Variants in MGMT observed in about 807,000 individuals in gnomAD.
The protein encoded by MGMT is methylated-DNA--protein-cysteine methyltransferase.
In MGMT, 14 loss-of-function variants were observed where a neutral mutation model predicts 15.9. The observed-to-expected ratio is 0.88, with a 90% CI of 0.58 to 1.37. The LOEUF (loss-of-function observed/expected upper bound fraction) is 1.37, where lower values mean the gene tolerates loss of function less well. MGMT is among the 40% of genes most tolerant of loss of function. The probability of loss-of-function intolerance (pLI) is 0.00; values close to 1 mark genes in which losing one functional copy is unlikely to be tolerated. For synonymous variants in MGMT, 130 were observed against 118.2 expected, an observed-to-expected ratio of 1.10 and a Z score of -0.65; for missense variants, 282 against 268.1, an observed-to-expected ratio of 1.05 and a Z score of -0.36.
chr10:129,608,611 T>C (rs189790089), intron 2 of MGMT, among the ~76,000 whole-genome samples: 1 of 152,280 alleles, frequency 6.6e-6, no homozygotes, highest in Non-Finnish European at 1.5e-5. Context: ...TCTCTCTGCG[T>C]ATAATTATAC....
At chr10:129,571,510 CG>C (rs1051063993) in intron 2 of MGMT, among the ~76,000 whole-genome samples, 3 of 152,092 alleles carry the variant, frequency 2.0e-5, no homozygotes, top group African/African-American at 7.2e-5. Context: ...GTACATAAGA[CG>C]GGGCCGCATA....
chr10:129,555,020 C>G (rs1261038109), intron 2 of MGMT, among the ~76,000 whole-genome samples: 2 of 152,140 alleles, frequency 1.3e-5, no homozygotes, highest in Admixed American at 6.5e-5. Context: ...ATGAGCTGAC[C>G]AGCAGGAAAC....
chr10:129,589,855 G>A (rs917153812), intron 2 of MGMT, among the ~76,000 whole-genome samples: 22 of 152,378 alleles, frequency 1.4e-4, no homozygotes, highest in African/African-American at 4.8e-4. Flanking sequence ...GCCAATGGGA[G>A]CTGGCAGCCC....
intron 2 of MGMT, among the ~76,000 whole-genome samples, chr10:129,626,018 G>T (rs772955230): frequency 1.3e-5 from 2 of 152,176 alleles, no homozygotes; most frequent in South Asian, 2.1e-4. Flanking sequence ...TCGTGATGGC[G>T]CAGAATATGT....
intron 2 of MGMT, among the ~76,000 whole-genome samples, chr10:129,670,253 T>A (rs1189593738): frequency 3.9e-5 from 6 of 152,172 alleles, no homozygotes; most frequent in Non-Finnish European, 8.8e-5. Flanking sequence ...AGTTTTTCAG[T>A]TTAGCCAACT....
chr10:129,563,366 G>A (rs79106986), intron 2 of MGMT, among the ~76,000 whole-genome samples: 1,728 of 152,212 alleles, frequency 0.011, 38 homozygotes, highest in African/African-American at 0.039. Flanking sequence ...ACTAGATCTC[G>A]TTGGTGTCCT....
Position 129,532,520 on chromosome 10 carries a change from C to T in MGMT, c.-12-3721C>T, listed in dbSNP as rs750155329. On this transcript the variant is annotated intron_variant, in intron 1 of 4. Transcript: ENST00000651593. The surrounding 1 kb of genome is among the most constrained non-coding windows in gnomAD (Gnocchi z 5.3). The stretch of plus-strand genomic sequence containing the variant: ...CCCTCCACCGCCCTGCTCCTTCCTC[C>T]GGGTGGGGGACACCCCATCCCCCAT... Among the ~76,000 whole-genome samples the T allele has an allele frequency of 2.6e-5, 4 of 152,114 alleles. No individual in the cohort carries two copies. The highest frequency in any genetic ancestry group is 4.4e-5 in the Non-Finnish European group (3 of 68,018).
At position 129,556,247 on chromosome 10, in the gene MGMT, ATCC is replaced by A. The variant is rs1261694044; in HGVS notation, c.125+19873_125+19875del. Among the ~76,000 whole-genome samples, 10 of 152,160 alleles carry A rather than the reference ATCC, an allele frequency of 6.6e-5. No homozygotes were observed. Among genetic ancestry groups the A allele is most frequent in the Non-Finnish European group, 1.3e-4 (9 of 68,020 alleles). The stretch of plus-strand genomic sequence containing the variant: ...CCAAAATTTAGGTGTTGAAGTCCTC[ATCC>A]TCAGAACCTCTGGATGTGACAGTAT... On this transcript the variant is annotated intron_variant, in intron 2 of 4. Transcript: ENST00000651593. The surrounding 1 kb of genome is among the most constrained non-coding windows in gnomAD (Gnocchi z 4.3).
At chr10:129,567,433 T>C (rs1378884665) in intron 2 of MGMT, among the ~76,000 whole-genome samples, 2 of 152,034 alleles carry the variant, frequency 1.3e-5, no homozygotes, top group African/African-American at 4.8e-5. Flanking sequence ...CAAGTGCCAC[T>C]GAGCATCCTG....
At chr10:129,637,628 G>A (rs565063604) in intron 2 of MGMT, among the ~76,000 whole-genome samples, 2 of 152,208 alleles carry the variant, frequency 1.3e-5, no homozygotes, top group South Asian at 2.1e-4. Context: ...TCAGTACGTC[G>A]GAGCGTGACT....
chr10:129,712,388 A>G (rs974637569), intron 3 of MGMT, among the ~76,000 whole-genome samples: 4 of 152,248 alleles, frequency 2.6e-5, no homozygotes, highest in Admixed American at 6.5e-5. Flanking sequence ...CGTCACAGCT[A>G]TTGGCTTACA....
chr10:129,758,436 A>G (rs1848831802), intron 3 of MGMT, among the ~76,000 whole-genome samples: 1 of 152,116 alleles, frequency 6.6e-6, no homozygotes, highest in Non-Finnish European at 1.5e-5. Context: ...TGATTCAGAC[A>G]GGCCTTCTTC....
intron 2 of MGMT, among the ~76,000 whole-genome samples, chr10:129,674,357 C>T (rs1454547105): frequency 6.6e-6 from 1 of 152,284 alleles, no homozygotes; most frequent in Admixed American, 6.5e-5. Flanking sequence ...GTGCCACACA[C>T]GTTAGCGGTG....
intron 4 of MGMT, 121 bp downstream of exon 4, chr10:129,759,462 G>A (rs915586221): frequency 5.6e-6 from 8 of 1,420,208 alleles, no homozygotes; most frequent in Admixed American, 1.8e-5. Flanking sequence ...GCAGAGGGGC[G>A]ATATCTGTGA....
intron 1 of MGMT, among the ~76,000 whole-genome samples, chr10:129,513,437 T>G (rs1024525524): frequency 2.0e-5 from 3 of 151,824 alleles, no homozygotes; most frequent in Non-Finnish European, 4.4e-5. Context: ...ACAAAAGGAG[T>G]GTCTGGGACG....
chr10:129,501,719 C>T lies in MGMT; in HGVS notation c.-13+34423C>T, dbSNP rs139171988. On this transcript the variant is annotated intron_variant, in intron 1 of 4. Coordinates refer to ENST00000651593, the MANE Select transcript of MGMT (RefSeq NM_002412.5). ...ACTGCCATGGTCACCACGACCATTC[C>T]GAGGACTCTAAACATGTTTCTTGTC... is the stretch of plus-strand genomic sequence containing the variant. 5.9e-5 allele frequency among the ~76,000 whole-genome samples: 9 copies of T among 152,298 alleles called. No individual in the cohort carries two copies. The East Asian group carries it at 7.7e-4, about 13-fold the overall frequency.
Position 129,770,811 on chromosome 10 carries a change from G to C in MGMT, c.*3814G>C, listed in dbSNP as rs1037782893. 9.9e-5 allele frequency among the ~76,000 whole-genome samples: 15 copies of C among 152,274 alleles called. No individual in the cohort carries two copies. The highest frequency in any genetic ancestry group is 8.5e-4 in the Admixed American group (13 of 15,300). ...GGATGTCCTCGGGCCTCCCCTGTTT[G>C]TCTGCATGTCTTCTTGTTGCCATCG... On this transcript the variant is annotated 3_prime_UTR_variant, in exon 5 of 5. Transcript: ENST00000651593.
At chr10:129,575,383 C>T (rs1846468302) in intron 2 of MGMT, among the ~76,000 whole-genome samples, 1 of 152,028 alleles carries the variant, frequency 6.6e-6, no homozygotes, top group East Asian at 1.9e-4. Flanking sequence ...AAGAATCTCA[C>T]TCAAAACCGC....
In MGMT at chr10:129,492,110, A is replaced by T. The variant is rs143241759; in HGVS notation, c.-13+24814A>T. ...AAGCTCTCTTTGCCCTTGGTTAGGCATATGGAGTGAGGGGTGAAGGACCTT... is the reference window on the plus strand; with the variant it reads ...AAGCTCTCTTTGCCCTTGGTTAGGCTTATGGAGTGAGGGGTGAAGGACCTT... On this transcript the variant is annotated intron_variant, in intron 1 of 4. Transcript: ENST00000651593. Among the ~76,000 whole-genome samples the T allele has an allele frequency of 3.4e-4, 52 of 152,284 alleles. No homozygotes were observed. In the East Asian group the frequency reaches 4.8e-3, roughly 14 times the overall value.
Sources: allele counts gnomAD v4.1 joint callset (sites outside exome capture counted in the v4.1 genomes callset), GRCh38; gene constraint gnomAD v4.1.1; non-coding constraint Gnocchi (gnomAD v3.1); transcripts MANE v1.5; gene names NCBI Gene and HGNC (gene_info 2026-07-23, HGNC 2026-07-21).